Variants in PCDHGA1 observed in about 807,000 individuals in gnomAD.
PCDHGA1 encodes the protein protocadherin gamma-A1.
PCDHGA1 carries 32 observed loss-of-function variants against 58.0 expected under a neutral mutation model. The observed-to-expected ratio is 0.55, with a 90% CI of 0.42 to 0.74. PCDHGA1 has a LOEUF of 0.74. Ranked by LOEUF, PCDHGA1 falls within the 30% of genes least tolerant of loss-of-function variation. The pLI is 0.00. For synonymous variants in PCDHGA1, 498 were observed against 501.1 expected (o/e 0.99, Z 0.08); for missense variants, 1,205 against 1,182.3 (o/e 1.02, Z -0.28).
intron 1 of PCDHGA1, chr5:141,366,644 C>T (rs759831298): frequency 1.2e-6 from 2 of 1,614,268 alleles, no homozygotes; most frequent in East Asian, 2.2e-5. Flanking sequence ...GATCTTTCCC[C>T]AGCCCAACTA....
At chr5:141,484,404 G>C (rs1333849091) in intron 1 of PCDHGA1, among the ~76,000 whole-genome samples, 3 of 152,174 alleles carry the variant, frequency 2.0e-5, no homozygotes, top group Non-Finnish European at 4.4e-5. Flanking sequence ...GGTTTCCGCT[G>C]TGTCTCCTGT....
intron 1 of PCDHGA1, among the ~76,000 whole-genome samples, chr5:141,425,048 T>C (rs1590618422): frequency 6.6e-6 from 1 of 152,350 alleles, no homozygotes; most frequent in African/African-American, 2.4e-5. Flanking sequence ...AAACTGACTA[T>C]CTAGGGCTCG....
At chr5:141,422,041 G>T in intron 1 of PCDHGA1, 3 of 1,611,632 alleles carry the variant, frequency 1.9e-6, no homozygotes, top group South Asian at 1.1e-5. Context: ...GGATCCAGAC[G>T]AGGGAATCAA....
At chr5:141,341,085 T>C in intron 1 of PCDHGA1, 1 of 1,614,232 alleles carries the variant, frequency 6.2e-7, no homozygotes, top group Non-Finnish European at 8.5e-7. Flanking sequence ...TGCGTCTTCC[T>C]GGCCTTCGTC....
intron 1 of PCDHGA1, among the ~76,000 whole-genome samples, chr5:141,369,540 A>G (rs983606884): frequency 1.3e-5 from 2 of 152,200 alleles, no homozygotes; most frequent in African/African-American, 4.8e-5. Context: ...TATTTAATTA[A>G]AAGTAGACAC....
chr5:141,478,163 C>G (rs779617960), intron 1 of PCDHGA1: 22 of 1,614,028 alleles, frequency 1.4e-5, no homozygotes, highest in Non-Finnish European at 1.9e-5. Context: ...TGGCTCTGCC[C>G]CCCGGGAGCA....
In PCDHGA1 at chr5:141,487,765, GC is replaced by G. The variant is rs2099665397; in HGVS notation, c.2422-7041del. The G allele has an allele frequency of 6.5e-7, 1 of 1,541,774 alleles. No individual in the cohort carries two copies. Among genetic ancestry groups the G allele is most frequent in the South Asian group, 1.2e-5 (1 of 83,146 alleles). On this transcript the variant is annotated intron_variant, in intron 1 of 3. Transcript: ENST00000517417. This position sits in a 1 kb window ranked among gnomAD's most constrained non-coding sequence, Gnocchi z 5.0. ...GAGGTAACTATGTGGTAGACGCTGT[GC>G]TTTGTAACTGTTTCGTGAATTAACC...
chr5:141,395,546 G>GTT (rs2093266838), intron 1 of PCDHGA1: 4 of 32,300 alleles, frequency 1.2e-4, no homozygotes, highest in African/African-American at 9.9e-4. Context: ...TATTGTTTGT[G>GTT]TGTGTGTGTG....
intron 1 of PCDHGA1, chr5:141,410,146 C>G: frequency 6.2e-7 from 1 of 1,612,390 alleles, no homozygotes. Flanking sequence ...CTGTGCGTGA[C>G]GGTGGACAGC....
rs980109158 is a variant in PCDHGA1 at position 141,375,279 on chromosome 5, G to A, written c.2421+42174G>A. On this transcript the variant is annotated intron_variant, in intron 1 of 3. Transcript: ENST00000517417. ...CCATTTGAATTGGAAAAATCAGTTG[G>A]CAATTATTATCGATTAGTGACAAAT... is the stretch of plus-strand genomic sequence containing the variant. 18 of 1,613,688 alleles carry A rather than the reference G, an allele frequency of 1.1e-5. No individual in the cohort carries two copies. The highest frequency in any genetic ancestry group is 4.2e-6 in the Non-Finnish European group (5 of 1,179,904).
At chr5:141,367,805 G>T (rs1765340857) in intron 1 of PCDHGA1, 1 of 152,034 alleles carries the variant, frequency 6.6e-6, no homozygotes. Context: ...TTCTGTTATA[G>T]ATAAACCCTT....
chr5:141,406,390 ATTC>A (rs2094804697), intron 1 of PCDHGA1, among the ~76,000 whole-genome samples: 1 of 152,172 alleles, frequency 6.6e-6, no homozygotes, highest in Non-Finnish European at 1.5e-5. Flanking sequence ...AGGTAAATGT[ATTC>A]TTCTTAGAGA....
chr5:141,504,379 G>A lies in PCDHGA1; in HGVS notation c.2481-1014G>A, dbSNP rs181617363. On this transcript the variant is annotated intron_variant, in intron 2 of 3. Transcript: ENST00000517417. ...GCTTCAGTAGGAAGCAGGTGGAGTC[G>A]CTGCCTCACAGAAGCCAGTGTGGTG... Among the ~76,000 whole-genome samples the A allele has an allele frequency of 2.4e-3, 361 of 152,206 alleles. 1 individual carries two copies. The highest frequency in any genetic ancestry group is 0.021 in the Admixed American group (315 of 15,286).
chr5:141,497,240 GA>G (rs1221446648), intron 2 of PCDHGA1, among the ~76,000 whole-genome samples: 125 of 152,188 alleles, frequency 8.2e-4, no homozygotes, highest in African/African-American at 3.0e-3. Flanking sequence ...AGGCTTCTAG[GA>G]GGAGGTGACA....
chr5:141,413,668 G>T lies in PCDHGA1; in HGVS notation c.2421+80563G>T, dbSNP rs1286766786. ...TCCTCTCCCGGAAGCTATTGATCCG[G>T]ATGTGGGCGTGAACTCCCTGCAGAG... is the stretch of plus-strand genomic sequence containing the variant. On this transcript the variant is annotated intron_variant, in intron 1 of 3. Transcript: ENST00000517417. 6 of 1,613,754 alleles carry T rather than the reference G, an allele frequency of 3.7e-6. No homozygotes were observed. The Admixed American group carries it at 8.3e-5, about 22-fold the overall frequency.
At chr5:141,347,084 C>CTCCT (rs140860697) in intron 1 of PCDHGA1, among the ~76,000 whole-genome samples, 1 of 135,672 alleles carries the variant, frequency 7.4e-6, no homozygotes, top group Non-Finnish European at 1.6e-5. Flanking sequence ...TCTCTCTTTC[C>CTCCT]TCCTTCCTTC....
chr5:141,388,426 T>A, intron 1 of PCDHGA1: 1 of 1,613,864 alleles, frequency 6.2e-7, no homozygotes, highest in Non-Finnish European at 8.5e-7. Flanking sequence ...TTCTCACTGA[T>A]AAATAAAGAG....
At chr5:141,339,623 G>C (rs779983817) in intron 1 of PCDHGA1, 1 of 1,614,072 alleles carries the variant, frequency 6.2e-7, no homozygotes, top group Admixed American at 1.7e-5. Context: ...TTCTGATGGG[G>C]GTGACCCAGT....
rs1387919696 is a variant in PCDHGA1 at position 141,384,415 on chromosome 5, TCC to T, written c.2421+51311_2421+51312del. On this transcript the variant is annotated intron_variant, in intron 1 of 3. Coordinates refer to ENST00000517417, the MANE Select transcript of PCDHGA1 (RefSeq NM_018912.3). ...GGGGGCTCCAGTGTCCTCCTATGTC[TCC>T]ATAAACTCTGACACTGGAGTCCTGT... is the stretch of plus-strand genomic sequence containing the variant. The T allele has an allele frequency of 2.5e-6, 4 of 1,613,776 alleles. No homozygotes were observed. In the East Asian group the frequency reaches 8.9e-5, roughly 36 times the overall value.
Sources: gnomAD v4.1 joint callset for allele counts (sites outside exome capture counted in the v4.1 genomes callset) on GRCh38, gnomAD v4.1.1 for gene constraint, Gnocchi (gnomAD v3.1) non-coding constraint, MANE v1.5 for transcripts, NCBI Gene and HGNC (gene_info 2026-07-23, HGNC 2026-07-21) for gene names.